The following SCAPER variants were observed in gnomAD, a reference collection of about 807,000 sequenced individuals.
SCAPER encodes the protein S-phase cyclin A associated protein in the ER.
A neutral mutation model predicts 182.2 loss-of-function variants in SCAPER; 98 were observed. The ratio of observed to expected loss-of-function variants is 0.54; its 90% CI spans 0.46 to 0.64. SCAPER has a LOEUF of 0.64. Ranked by LOEUF, SCAPER falls within the 30% of genes least tolerant of loss-of-function variation. The pLI, the probability that SCAPER is intolerant of heterozygous loss-of-function variation, is 0.00. For missense variants in SCAPER, 1,432 were observed against 1,690.0 expected (o/e 0.85, Z 2.68); for synonymous variants, 605 against 564.6 (o/e 1.07, Z -1.01).
At chr15:76,389,337 C>G (rs1293478920) in intron 27 of SCAPER, among the ~76,000 whole-genome samples, 1 of 150,828 alleles carries the variant, frequency 6.6e-6, no homozygotes, top group Non-Finnish European at 1.5e-5. Flanking sequence ...CCTGTCTCTA[C>G]TAAAAATACG....
chr15:76,654,926 T>C (rs1488428698), intron 21 of SCAPER, among the ~76,000 whole-genome samples: 2 of 152,194 alleles, frequency 1.3e-5, no homozygotes, highest in Non-Finnish European at 2.9e-5. Flanking sequence ...CTTCAAAGAT[T>C]AAAGAAACAA....
intron 22 of SCAPER, among the ~76,000 whole-genome samples, chr15:76,578,309 C>A (rs1015849167): frequency 6.6e-6 from 1 of 152,088 alleles, no homozygotes; most frequent in African/African-American, 2.4e-5. Flanking sequence ...ATAAGCCTGG[C>A]GGGTTTTGCT....
At chr15:76,816,827 T>C (rs1212134404) in intron 5 of SCAPER, among the ~76,000 whole-genome samples, 1 of 152,172 alleles carries the variant, frequency 6.6e-6, no homozygotes, top group African/African-American at 2.4e-5. Context: ...TAATTTTTTT[T>C]GTATTTTTGT....
chr15:76,435,709 A>G (rs2047157361), intron 25 of SCAPER, among the ~76,000 whole-genome samples: 1 of 152,214 alleles, frequency 6.6e-6, no homozygotes, highest in East Asian at 1.9e-4. Context: ...GTTTAAAAAT[A>G]TCTTTTATTA....
rs912633110 is a variant in SCAPER at position 76,665,715 on chromosome 15, A to G, written c.2583T>C (p.Asp861=). 2 of 1,565,688 alleles carry G rather than the reference A, an allele frequency of 1.3e-6. 1 individual carries two copies. Among genetic ancestry groups the G allele is most frequent in the South Asian group, 2.4e-5 (2 of 84,764 alleles). Residue 861 remains aspartate (D), a synonymous_variant, in exon 21 of 32, where the codon GAT becomes GAC. Transcript: ENST00000563290. ...TTTTATTTTTTTGCCGCTCTTCTCCATCTTTCAAAGCTTCTGCTGGAGCTG... is the reference window on the plus strand; with the variant it reads ...TTTTATTTTTTTGCCGCTCTTCTCCGTCTTTCAAAGCTTCTGCTGGAGCTG... The part of the protein sequence containing the change: ...ESTAPAEALK[D]GEERQKNKKK...
intron 24 of SCAPER, among the ~76,000 whole-genome samples, chr15:76,486,058 T>C (rs3110186): frequency 6.6e-6 from 1 of 151,794 alleles, no homozygotes; most frequent in Non-Finnish European, 1.5e-5. Context: ...ATACAAAAAA[T>C]TAGCTGGGCA....
chr15:76,779,167 A>G (rs2151373479), intron 8 of SCAPER, among the ~76,000 whole-genome samples: 1 of 152,268 alleles, frequency 6.6e-6, no homozygotes, highest in Non-Finnish European at 1.5e-5. Flanking sequence ...ATGTATTAAT[A>G]TAAAAGAAAT....
At chr15:76,465,965 C>T (rs1227952852) in intron 25 of SCAPER, among the ~76,000 whole-genome samples, 5 of 152,070 alleles carry the variant, frequency 3.3e-5, no homozygotes, top group Non-Finnish European at 4.4e-5. Flanking sequence ...TTCCCTAGTA[C>T]ACGACAAGTC....
intron 23 of SCAPER, among the ~76,000 whole-genome samples, chr15:76,571,585 A>G (rs1050915646): frequency 3.9e-5 from 6 of 152,166 alleles, no homozygotes; most frequent in Admixed American, 3.3e-4. Context: ...AATTATCTAA[A>G]GAAACAGTGT....
chr15:76,520,092 T>A (rs1346451606), intron 23 of SCAPER, among the ~76,000 whole-genome samples: 1 of 152,230 alleles, frequency 6.6e-6, no homozygotes, highest in African/African-American at 2.4e-5. Context: ...AACCTCTAGA[T>A]TGTGTTTAGT....
rs1341828237 is a variant in SCAPER, at chr15:76,733,397, AAAG to A, written c.1867-16_1867-14del. On this transcript the variant is annotated splice_polypyrimidine_tract_variant and intron_variant, in intron 15 of 31. Transcript: ENST00000563290. ...CAATTTCATTTACCTTTAAAAAAAC[AAAG>A]AAGGTAAGGTTCAGATCAAGTTAAT... is the stretch of plus-strand genomic sequence containing the variant. 1 of 1,609,568 alleles carries A rather than the reference AAAG, an allele frequency of 6.2e-7. No individual in the cohort carries two copies. Among genetic ancestry groups the A allele is most frequent in the Non-Finnish European group, 8.5e-7 (1 of 1,178,554 alleles).
intron 21 of SCAPER, among the ~76,000 whole-genome samples, chr15:76,653,856 GT>G (rs2055381797): frequency 6.6e-6 from 1 of 152,094 alleles, no homozygotes; most frequent in Non-Finnish European, 1.5e-5. Context: ...TAAGCAACAA[GT>G]GGGACATAAT....
intron 26 of SCAPER, among the ~76,000 whole-genome samples, chr15:76,417,967 G>A (rs1479802132): frequency 1.3e-5 from 2 of 151,974 alleles, no homozygotes; most frequent in Non-Finnish European, 2.9e-5. Context: ...TCAGCGAGCC[G>A]AGATCGCGCC....
intron 26 of SCAPER, among the ~76,000 whole-genome samples, chr15:76,408,125 C>T (rs2045002704): frequency 6.6e-6 from 1 of 152,048 alleles, no homozygotes; most frequent in Non-Finnish European, 1.5e-5. Flanking sequence ...AAACAAGAAC[C>T]ACACATTGTG....
At chr15:76,543,439 T>TGAG (rs2044965218) in intron 23 of SCAPER, among the ~76,000 whole-genome samples, 1 of 152,164 alleles carries the variant, frequency 6.6e-6, no homozygotes. Flanking sequence ...GAATTACTGA[T>TGAG]GGTAAGAGAA....
chr15:76,800,408 G>A (rs750118484), intron 6 of SCAPER, 44 bp from the exon 7 acceptor site: 1 of 1,215,090 alleles, frequency 8.2e-7, no homozygotes, highest in Non-Finnish European at 1.2e-6. Context: ...ACAGAGAAAA[G>A]GGAGAAACAA....
At chr15:76,649,000 G>A (rs985712750) in intron 21 of SCAPER, among the ~76,000 whole-genome samples, 7 of 152,090 alleles carry the variant, frequency 4.6e-5, no homozygotes, top group Non-Finnish European at 4.4e-5. Context: ...AATCTCTTGC[G>A]CCCTTTGTAA....
chr15:76,780,935 A>G (rs1386420111), intron 8 of SCAPER, among the ~76,000 whole-genome samples: 1 of 152,230 alleles, frequency 6.6e-6, no homozygotes, highest in Non-Finnish European at 1.5e-5. Flanking sequence ...GGGAGAAACC[A>G]GAGCAGAAAA....
chr15:76,501,553 A>G lies in SCAPER; in HGVS notation c.2954+3306T>C, dbSNP rs183120055. On this transcript the variant is annotated intron_variant, in intron 24 of 31. Transcript: ENST00000563290. ...GCAGTGACACGTAAGGTTTATGGCC[A>G]TAGGACTCTAGGTTTCAACAGGGTA... 7.7e-4 allele frequency among the ~76,000 whole-genome samples: 117 copies of G among 152,352 alleles called. 1 individual carries two copies. In the Middle Eastern group the frequency reaches 0.014, roughly 18 times the overall value.
Sources: allele counts gnomAD v4.1 joint callset (sites outside exome capture counted in the v4.1 genomes callset), GRCh38; gene constraint gnomAD v4.1.1; transcripts MANE v1.5; gene names NCBI Gene and HGNC (gene_info 2026-07-23, HGNC 2026-07-21).